The following PSMG2 variants were observed in gnomAD, a reference collection of about 807,000 sequenced individuals.
The protein encoded by PSMG2 is CD40 ligand-activated specific transcript 3.
In PSMG2, 21 loss-of-function variants were observed where a neutral mutation model predicts 31.5. The observed-to-expected ratio is 0.67, with a 90% CI of 0.47 to 0.96. PSMG2 has a LOEUF of 0.96. Ranked by LOEUF, PSMG2 falls within the 40% of genes least tolerant of loss-of-function variation. The probability of loss-of-function intolerance (pLI) is 0.00; values close to 1 mark genes in which losing one functional copy is unlikely to be tolerated. For synonymous variants in PSMG2, 120 were observed against 110.4 expected (o/e 1.09, Z -0.54); for missense variants, 318 against 321.2 (o/e 0.99, Z 0.08).
upstream of PSMG2, chr18:12,702,478 A>T (rs1488728838): frequency 6.2e-7 from 1 of 1,600,624 alleles, no homozygotes; most frequent in Admixed American, 1.7e-5. Flanking sequence ...AGCACCCGCG[A>T]CTCTCACCTT....
chr18:12,683,462 C>G (rs2039423744), intron 1 of PSMG2, among the ~76,000 whole-genome samples: 1 of 151,622 alleles, frequency 6.6e-6, no homozygotes, highest in African/African-American at 2.4e-5. Context: ...TGTATATTGA[C>G]TCAAGGAAAC....
At chr18:12,703,807 G>T (rs114365080) in intron 1 of PSMG2, among the ~76,000 whole-genome samples, 1 of 152,174 alleles carries the variant, frequency 6.6e-6, no homozygotes, top group Non-Finnish European at 1.5e-5. Context: ...GCTTTATAGA[G>T]AAAGTAGTAT....
Position 12,690,504 on chromosome 18 carries a change from G to A in PSMG2, c.-36-16046G>A, listed in dbSNP as rs760311341. On this transcript the variant is annotated intron_variant, in intron 1 of 6. Transcript: ENST00000585331. Reference sequence around the variant, plus strand: ...GGAGTCTTGCTGTGTTGCCCAGGCCGGACTGCAGTGGTGCGATCTCGGCTC... The same window carrying A: ...GGAGTCTTGCTGTGTTGCCCAGGCCAGACTGCAGTGGTGCGATCTCGGCTC... Among the ~76,000 whole-genome samples the A allele has an allele frequency of 7.3e-5, 11 of 151,502 alleles. No homozygotes were observed. The South Asian group carries it at 2.1e-3, about 29-fold the overall frequency.
At chr18:12,669,952 G>GCGGTGAGCCGAGATTT (rs2038900953) in intron 1 of PSMG2, among the ~76,000 whole-genome samples, 1 of 150,926 alleles carries the variant, frequency 6.6e-6, no homozygotes, top group Admixed American at 6.6e-5. Context: ...AGCCGAGATT[G>GCGGTGAGCCGAGATTT]CACCATTGCA....
Position 12,687,317 on chromosome 18 carries a change from C to A in PSMG2, c.-36-19233C>A, listed in dbSNP as rs371727724. 1.5e-3 allele frequency among the ~76,000 whole-genome samples: 226 copies of A among 152,082 alleles called. 1 individual carries two copies. Among genetic ancestry groups the A allele is most frequent in the African/African-American group, 5.1e-3 (211 of 41,480 alleles). On this transcript the variant is annotated intron_variant, in intron 1 of 6. Coordinates refer to the PSMG2 transcript ENST00000585331. ...CAGAACATCTTTTTCCAATATAGTC[C>A]CATACTTTAGCAAGGAAAAAAAAAC...
chr18:12,659,147 T>G (rs1189134455), intron 1 of PSMG2, among the ~76,000 whole-genome samples: 2 of 152,182 alleles, frequency 1.3e-5, no homozygotes, highest in Admixed American at 6.5e-5. Context: ...CCCTACAGAG[T>G]GTTGAAAGCA....
intron 1 of PSMG2, among the ~76,000 whole-genome samples, chr18:12,695,854 A>ACACACC (rs774931854): frequency 6.2e-5 from 6 of 97,072 alleles, no homozygotes; most frequent in Non-Finnish European, 1.0e-4. Context: ...TTCCTTCTCC[A>ACACACC]CACACACACA....
chr18:12,678,514 T>G, intron 1 of PSMG2: 1 of 1,005,336 alleles, frequency 9.9e-7, no homozygotes, highest in East Asian at 2.6e-5. Context: ...GAGAAAATTA[T>G]TCTAACACTT....
intron 1 of PSMG2, chr18:12,691,106 A>G (rs984863658): frequency 2.6e-5 from 9 of 340,284 alleles, no homozygotes; most frequent in Admixed American, 9.2e-5. Context: ...TTAAAACACA[A>G]TAATTGATTC....
intron 1 of PSMG2, among the ~76,000 whole-genome samples, chr18:12,665,901 T>C (rs1273633054): frequency 6.6e-6 from 1 of 152,206 alleles, no homozygotes; most frequent in African/African-American, 2.4e-5. Flanking sequence ...TTCACCATGT[T>C]GGCCAGGCTG....
chr18:12,682,110 C>T (rs1272597959), intron 1 of PSMG2, among the ~76,000 whole-genome samples: 1 of 152,050 alleles, frequency 6.6e-6, no homozygotes, highest in Non-Finnish European at 1.5e-5. Flanking sequence ...AGGAAGACTA[C>T]ACGCGAAAGC....
intron 1 of PSMG2, among the ~76,000 whole-genome samples, chr18:12,669,803 C>A (rs568308483): frequency 6.6e-6 from 1 of 151,858 alleles, no homozygotes; most frequent in South Asian, 2.1e-4. Context: ...GAGTTTGAGA[C>A]CCTCCTGACC....
rs2040470079 is a variant in PSMG2, at chr18:12,725,624, A to G, written c.*93A>G. On this transcript the variant is annotated 3_prime_UTR_variant, in exon 7 of 7. Coordinates refer to ENST00000317615, the MANE Select transcript of PSMG2 (RefSeq NM_020232.5). ...CAAAAAAATTGTATGATCTGGTATT[A>G]GGAAATTACTTTCACAGTAAATATC... is the stretch of plus-strand genomic sequence containing the variant. 1.2e-6 allele frequency: 1 copy of G among 847,382 alleles called. No individual in the cohort carries two copies. 52.5% of individuals were successfully genotyped at this position (847,382 alleles called of 1,614,324 possible).
At chr18:12,680,883 A>G in intron 1 of PSMG2, 3 of 1,403,476 alleles carry the variant, frequency 2.1e-6, no homozygotes, top group Non-Finnish European at 2.9e-6. Context: ...TCCTCATTAC[A>G]TACTTAAATA....
At chr18:12,700,116 A>C (rs2040101390), upstream of PSMG2, 1 of 363,170 alleles carries the variant, frequency 2.8e-6, no homozygotes, top group East Asian at 4.3e-5. Context: ...TCAAATGCTA[A>C]GGAATTAAAC....
rs752769881 is a variant in PSMG2, at chr18:12,674,547, G to A, written c.-37+15774G>A. On this transcript the variant is annotated intron_variant, in intron 1 of 6. Coordinates refer to the PSMG2 transcript ENST00000585331. ...AAATTACACCTTACCGAAGACATGT[G>A]GCAAATGCACGTCTTGCATTTCTAT... 5 of 1,611,416 alleles carry A rather than the reference G, an allele frequency of 3.1e-6. No homozygotes were observed. In the African/African-American group the frequency reaches 5.3e-5, roughly 17 times the overall value.
chr18:12,706,952 C>CT lies in PSMG2; in HGVS notation c.229+243dup, dbSNP rs111502634. Among the ~76,000 whole-genome samples, 170 of 149,064 alleles carry CT rather than the reference C, an allele frequency of 1.1e-3. 1 individual carries two copies. The East Asian group carries it at 0.015, about 13-fold the overall frequency. On this transcript the variant is annotated intron_variant, in intron 2 of 6. Transcript: ENST00000317615. ...GTTGAGAATAAGATCATACTTGTAT[C>CT]TTTTTTTTTTTTATTATTTTTGAGA...
intron 1 of PSMG2, chr18:12,686,520 T>G: frequency 8.9e-7 from 1 of 1,121,336 alleles, no homozygotes; most frequent in Non-Finnish European, 1.3e-6. Flanking sequence ...TTCAAATACA[T>G]TAATGTAGGA....
At chr18:12,702,850 G>A (rs932631831), upstream of PSMG2, 14 of 567,812 alleles carry the variant, frequency 2.5e-5, no homozygotes, top group South Asian at 8.9e-5. Flanking sequence ...CCCGCACCCC[G>A]AGACCTCAGC....
Sources: gnomAD v4.1 joint callset for allele counts (sites outside exome capture counted in the v4.1 genomes callset) on GRCh38, gnomAD v4.1.1 for gene constraint, MANE v1.5 for transcripts, NCBI Gene and HGNC (gene_info 2026-07-23, HGNC 2026-07-21) for gene names.